The following LUZP2 variants were observed in gnomAD, a reference collection of about 807,000 sequenced individuals.
LUZP2 encodes the protein leucine zipper protein 2.
A neutral mutation model predicts 51.6 loss-of-function variants in LUZP2; 52 were observed. The observed-to-expected ratio is 1.01, with a 90% confidence interval of 0.81 to 1.27. LUZP2 has a LOEUF of 1.27. Among genes scored for constraint, LUZP2 ranks in the 50% most tolerant of loss-of-function variants. The pLI, the probability that LUZP2 is intolerant of heterozygous loss-of-function variation, is 0.00. For synonymous variants in LUZP2, 154 were observed against 137.3 expected, an observed-to-expected ratio of 1.12 and a Z score of -0.85; for missense variants, 436 against 395.4, an observed-to-expected ratio of 1.10 and a Z score of -0.87.
chr11:24,732,095 C>T (rs1285797334), intron 2 of LUZP2, 23 bp from the exon 3 acceptor site: 1 of 1,589,358 alleles, frequency 6.3e-7, no homozygotes, highest in Non-Finnish European at 8.6e-7. Context: ...AATAAAACTT[C>T]ATTTTTCCAC....
rs889299591 is a variant in LUZP2, at chr11:24,711,277, C to T, written c.63-17892C>T. On this transcript the variant is annotated intron_variant, in intron 1 of 11. Coordinates refer to ENST00000336930, the MANE Select transcript of LUZP2 (RefSeq NM_001009909.4). The stretch of plus-strand genomic sequence containing the variant: ...ATCCTGGCTAACACGGTGAAACCCC[C>T]GTCTCTACTAAAAATACAAAAAATT... Among the ~76,000 whole-genome samples, 28 of 149,240 alleles carry T rather than the reference C, an allele frequency of 1.9e-4. No homozygotes were observed. The East Asian group carries it at 2.2e-3, about 12-fold the overall frequency.
rs1009714947 is a variant in LUZP2, at chr11:24,959,470, C to G, written c.523-17121C>G. On this transcript the variant is annotated intron_variant, in intron 7 of 11. Transcript: ENST00000336930. Reference sequence around the variant, plus strand: ...TAGTTCTCCTTGAAGAGGTCCTTCACGTCCCTTGTAAGTTGGATTCCTAGG... The same window carrying G: ...TAGTTCTCCTTGAAGAGGTCCTTCAGGTCCCTTGTAAGTTGGATTCCTAGG... Among the ~76,000 whole-genome samples the G allele has an allele frequency of 3.7e-3, 559 of 152,168 alleles. 1 individual carries two copies. The highest frequency in any genetic ancestry group is 0.013 in the African/African-American group (541 of 41,484).
At chr11:24,602,171 T>TATATATGTGCATATATGTATATATGTAC (rs1853713412) in intron 1 of LUZP2, among the ~76,000 whole-genome samples, 1 of 74,922 alleles carries the variant, frequency 1.3e-5, no homozygotes, top group African/African-American at 6.2e-5. Flanking sequence ...TATATGTGTA[T>TATATATGTGCATATATGTATATATGTAC]ATATATGTGT....
At chr11:24,952,830 A>T (rs1390527971) in intron 7 of LUZP2, among the ~76,000 whole-genome samples, 2 of 151,950 alleles carry the variant, frequency 1.3e-5, no homozygotes, top group Non-Finnish European at 2.9e-5. Context: ...AGAATGTGCT[A>T]AGAAATGTAC....
At chr11:24,963,611 C>T (rs1011201806) in intron 7 of LUZP2, among the ~76,000 whole-genome samples, 7 of 152,070 alleles carry the variant, frequency 4.6e-5, no homozygotes, top group African/African-American at 9.7e-5. Context: ...TTTTTAAGCC[C>T]GTCAGAAAGG....
chr11:24,995,979 C>T (rs1375805994), intron 9 of LUZP2, among the ~76,000 whole-genome samples: 3 of 151,180 alleles, frequency 2.0e-5, no homozygotes, highest in Non-Finnish European at 3.0e-5. Flanking sequence ...TTGTATAATT[C>T]ATTTTTATTG....
At chr11:24,662,071 A>G (rs1856040940) in intron 1 of LUZP2, among the ~76,000 whole-genome samples, 1 of 152,090 alleles carries the variant, frequency 6.6e-6, no homozygotes, top group Non-Finnish European at 1.5e-5. Flanking sequence ...TCAAATCCTA[A>G]AGCAAGCAGA....
At position 24,654,044 on chromosome 11, in the gene LUZP2, G is replaced by C. The variant is rs201852667; in HGVS notation, c.63-75125G>C. On this transcript the variant is annotated intron_variant, in intron 1 of 11. Coordinates refer to ENST00000336930, the MANE Select transcript of LUZP2 (RefSeq NM_001009909.4). ...TTTTAAACAATTATAATAATTTCTG[G>C]ATATAATCTTATCTCTATTACTTAG... Among the ~76,000 whole-genome samples the C allele has an allele frequency of 1.2e-4, 18 of 152,254 alleles. No homozygotes were observed. In the East Asian group the frequency reaches 3.3e-3, roughly 28 times the overall value.
chr11:25,013,410 C>G (rs547859652), intron 9 of LUZP2, among the ~76,000 whole-genome samples: 225 of 152,138 alleles, frequency 1.5e-3, no homozygotes, highest in African/African-American at 5.1e-3. Flanking sequence ...TTCACATGTA[C>G]CTTTATAAAT....
intron 1 of LUZP2, among the ~76,000 whole-genome samples, chr11:24,601,927 T>TGTATATATGTATAA (rs1452411903): frequency 1.5e-5 from 2 of 135,438 alleles, no homozygotes; most frequent in African/African-American, 2.9e-5. Flanking sequence ...TATGTATATA[T>TGTATATATGTATAA]ATGTATATAT....
intron 10 of LUZP2, among the ~76,000 whole-genome samples, chr11:25,050,531 C>G (rs1028898200): frequency 6.6e-6 from 1 of 151,996 alleles, no homozygotes; most frequent in Non-Finnish European, 1.5e-5. Context: ...GTCTTGATCG[C>G]CTGACCTCGT....
chr11:24,783,883 T>G (rs1008643905), intron 5 of LUZP2, among the ~76,000 whole-genome samples: 1 of 151,958 alleles, frequency 6.6e-6, no homozygotes, highest in Non-Finnish European at 1.5e-5. Context: ...CTCAAGGTAT[T>G]TGTAGCAACA....
At chr11:24,499,908 G>T (rs909976853) in intron 1 of LUZP2, among the ~76,000 whole-genome samples, 8 of 152,242 alleles carry the variant, frequency 5.3e-5, no homozygotes, top group African/African-American at 1.9e-4. Flanking sequence ...CAGGTGAAAA[G>T]GTAGTCTTTT....
At chr11:24,656,649 A>C (rs1855815972) in intron 1 of LUZP2, among the ~76,000 whole-genome samples, 1 of 152,152 alleles carries the variant, frequency 6.6e-6, no homozygotes. Flanking sequence ...GCTATTGTAG[A>C]ACTATGGTCC....
chr11:24,860,609 C>G (rs920005192), intron 5 of LUZP2, among the ~76,000 whole-genome samples: 8 of 152,122 alleles, frequency 5.3e-5, no homozygotes, highest in Non-Finnish European at 1.0e-4. Flanking sequence ...CTTTGCTATT[C>G]TCCAGCCTCT....
At chr11:24,694,685 T>A (rs979558227) in intron 1 of LUZP2, among the ~76,000 whole-genome samples, 5 of 152,128 alleles carry the variant, frequency 3.3e-5, no homozygotes, top group Admixed American at 3.3e-4. Context: ...TGCCCATCAG[T>A]GATAAACTGA....
At chr11:24,673,731 T>C (rs1407766574) in intron 1 of LUZP2, among the ~76,000 whole-genome samples, 1 of 152,208 alleles carries the variant, frequency 6.6e-6, no homozygotes, top group African/African-American at 2.4e-5. Flanking sequence ...GCATCAAAAA[T>C]GATTTAGACA....
chr11:24,563,520 A>T (rs1448832786), intron 1 of LUZP2, among the ~76,000 whole-genome samples: 1 of 152,200 alleles, frequency 6.6e-6, no homozygotes, highest in African/African-American at 2.4e-5. Flanking sequence ...TTACTATGTT[A>T]TTGGATATAA....
intron 1 of LUZP2, chr11:24,646,560 T>C: frequency 4.1e-6 from 4 of 983,998 alleles, no homozygotes; most frequent in Non-Finnish European, 4.8e-6. Context: ...TGACTGCTTC[T>C]GCTGGAACCT....
Sources: gnomAD v4.1 joint callset for allele counts (sites outside exome capture counted in the v4.1 genomes callset) on GRCh38, gnomAD v4.1.1 for gene constraint, MANE v1.5 for transcripts, NCBI Gene and HGNC (gene_info 2026-07-23, HGNC 2026-07-21) for gene names.